The following NRG1 variants were observed in gnomAD, a reference collection of about 807,000 sequenced individuals.
The protein encoded by NRG1 is neuregulin 1.
Under a neutral mutation model 63.8 loss-of-function variants are expected in NRG1, and 18 were observed. The ratio of observed to expected loss-of-function variants is 0.28; its 90% confidence interval spans 0.19 to 0.42. NRG1 has a LOEUF of 0.42. Among genes scored for constraint, NRG1 ranks in the 10% least tolerant of loss-of-function variants. The pLI, the probability that NRG1 is intolerant of heterozygous loss-of-function variation, is 1.00. For synonymous variants in NRG1, 302 were observed against 301.3 expected (o/e 1.00, Z -0.02); for missense variants, 762 against 814.7 (o/e 0.94, Z 0.79).
chr8:32,427,468 C>A (rs938190532), intron 1 of NRG1, among the ~76,000 whole-genome samples: 5 of 152,114 alleles, frequency 3.3e-5, no homozygotes, highest in Non-Finnish European at 4.4e-5. Flanking sequence ...CAGTGGCCAA[C>A]AAGCAGATTT....
intron 1 of NRG1, among the ~76,000 whole-genome samples, chr8:32,462,671 T>TCGGCTCA (rs1234388535): frequency 7.3e-6 from 1 of 137,616 alleles, no homozygotes; most frequent in Non-Finnish European, 1.5e-5. Context: ...TGGCGCAATC[T>TCGGCTCA]CGGCTCACTG....
intron 1 of NRG1, among the ~76,000 whole-genome samples, chr8:31,836,221 T>G (rs1272580680): frequency 6.6e-6 from 1 of 152,162 alleles, no homozygotes; most frequent in Non-Finnish European, 1.5e-5. Context: ...ACTTTGAACT[T>G]TAGTATTTGA....
chr8:31,900,511 G>A (rs1289770347), intron 1 of NRG1, among the ~76,000 whole-genome samples: 1 of 152,154 alleles, frequency 6.6e-6, no homozygotes, highest in African/African-American at 2.4e-5. Context: ...ATAAAAATCA[G>A]AGAACCTACA....
chr8:31,750,645 A>G lies in NRG1; in HGVS notation c.37+111214A>G, dbSNP rs77675325. Among the ~76,000 whole-genome samples, 965 of 152,122 alleles carry G rather than the reference A, an allele frequency of 6.3e-3. 5 individuals are homozygous for G. The highest frequency in any genetic ancestry group is 8.1e-3 in the Non-Finnish European group (547 of 67,942). ...AGTTCTGTTTTTTTAATTATTATTA[A>G]GCATGAGTTGCTATATAAATCACAT... On this transcript the variant is annotated intron_variant, in intron 1 of 10. Coordinates refer to the NRG1 transcript ENST00000519301.
intron 1 of NRG1, among the ~76,000 whole-genome samples, chr8:32,245,311 T>C (rs1848497682): frequency 6.6e-6 from 1 of 151,938 alleles, no homozygotes; most frequent in African/African-American, 2.4e-5. Flanking sequence ...GAGAGAAAAA[T>C]TGGAAACATT....
At chr8:32,425,390 T>A (rs1040731308) in intron 1 of NRG1, among the ~76,000 whole-genome samples, 11 of 152,126 alleles carry the variant, frequency 7.2e-5, no homozygotes, top group Admixed American at 6.6e-5. Flanking sequence ...GTGAAGACCA[T>A]CTGTAAGTGT....
At chr8:31,944,008 C>G (rs1157546759) in intron 1 of NRG1, among the ~76,000 whole-genome samples, 1 of 152,216 alleles carries the variant, frequency 6.6e-6, no homozygotes, top group Non-Finnish European at 1.5e-5. Flanking sequence ...TCAGTTGCAG[C>G]TCCACAGGCT....
intron 5 of NRG1, among the ~76,000 whole-genome samples, chr8:32,654,264 G>T (rs1855789068): frequency 6.6e-6 from 1 of 152,064 alleles, no homozygotes; most frequent in Non-Finnish European, 1.5e-5. Flanking sequence ...AAAAGATTTG[G>T]TTTTCCCATT....
At chr8:31,965,702 C>G (rs531335358) in intron 1 of NRG1, among the ~76,000 whole-genome samples, 1 of 152,266 alleles carries the variant, frequency 6.6e-6, no homozygotes, top group Admixed American at 6.5e-5. Context: ...TCCACATCAA[C>G]ATCTGTTGTT....
intron 1 of NRG1, among the ~76,000 whole-genome samples, chr8:31,936,334 A>G (rs1835298033): frequency 6.6e-6 from 1 of 152,196 alleles, no homozygotes; most frequent in Non-Finnish European, 1.5e-5. Flanking sequence ...GTTGTAAAAT[A>G]TTTGATGATT....
chr8:32,158,022 C>G (rs980354321), intron 1 of NRG1, among the ~76,000 whole-genome samples: 2 of 152,300 alleles, frequency 1.3e-5, no homozygotes, highest in African/African-American at 2.4e-5. Flanking sequence ...ACAGGACTCC[C>G]TCACATCCTG....
intron 1 of NRG1, among the ~76,000 whole-genome samples, chr8:31,751,223 G>T (rs1174871251): frequency 2.0e-5 from 3 of 152,090 alleles, no homozygotes; most frequent in South Asian, 4.1e-4. Flanking sequence ...GAGCCAGTTG[G>T]CTCTCTCTGT....
intron 1 of NRG1, among the ~76,000 whole-genome samples, chr8:31,827,374 C>T (rs1824673344): frequency 6.6e-6 from 1 of 152,154 alleles, no homozygotes; most frequent in Admixed American, 6.6e-5. Context: ...TGGTGTTCCA[C>T]AGTCACTGGG....
chr8:31,922,204 A>G (rs972219127), intron 1 of NRG1, among the ~76,000 whole-genome samples: 3 of 152,190 alleles, frequency 2.0e-5, no homozygotes, highest in Non-Finnish European at 4.4e-5. Context: ...CCACCTTGTT[A>G]TCGCATTAGT....
chr8:32,158,448 G>GATATATATATATATATATATATAT (rs36087607), intron 1 of NRG1, among the ~76,000 whole-genome samples: 1,220 of 61,798 alleles, frequency 0.02, 140 homozygotes, highest in Non-Finnish European at 0.024. Flanking sequence ...TGGTTTACAT[G>GATATATATATATATATATATATAT]ATATATATAT....
chr8:32,708,249 C>A (rs1240983385), intron 5 of NRG1, among the ~76,000 whole-genome samples: 1 of 152,040 alleles, frequency 6.6e-6, no homozygotes, highest in Non-Finnish European at 1.5e-5. Context: ...TAAAATAATG[C>A]ATAGAAGGAA....
intron 1 of NRG1, among the ~76,000 whole-genome samples, chr8:31,805,991 A>G (rs1586546395): frequency 1.3e-5 from 2 of 152,274 alleles, no homozygotes; most frequent in Admixed American, 1.3e-4. Context: ...ATGCCCATCA[A>G]TCATTGCCAA....
intron 1 of NRG1, among the ~76,000 whole-genome samples, chr8:32,428,317 T>C (rs934344121): frequency 2.7e-5 from 4 of 150,656 alleles, no homozygotes; most frequent in Non-Finnish European, 4.4e-5. Flanking sequence ...AAAGTCCTAG[T>C]AGCATTGTTT....
At chr8:31,943,814 T>C (rs1023452203) in intron 1 of NRG1, among the ~76,000 whole-genome samples, 14 of 152,286 alleles carry the variant, frequency 9.2e-5, no homozygotes, top group African/African-American at 3.1e-4. Flanking sequence ...TAAAAAGACA[T>C]CCACAGGGAA....
Sources: allele counts gnomAD v4.1 joint callset (sites outside exome capture counted in the v4.1 genomes callset), GRCh38; gene constraint gnomAD v4.1.1; transcripts MANE v1.5; gene names NCBI Gene and HGNC (gene_info 2026-07-23, HGNC 2026-07-21).